WRAP53: variants seen among roughly 807,000 people sequenced by gnomAD.
The protein encoded by WRAP53 is telomerase Cajal body protein 1.
Under a neutral mutation model 56.6 loss-of-function variants are expected in WRAP53, and 28 were observed. The ratio of observed to expected loss-of-function variants is 0.50; its 90% CI spans 0.37 to 0.68. The LOEUF (loss-of-function observed/expected upper bound fraction) is 0.68, where lower values mean the gene tolerates loss of function less well. WRAP53 is among the 30% of genes least tolerant of loss of function. The pLI, the probability that WRAP53 is intolerant of heterozygous loss-of-function variation, is 0.00. For synonymous variants in WRAP53, 283 were observed against 283.4 expected (o/e 1.00, Z 0.01); for missense variants, 671 against 715.5 (o/e 0.94, Z 0.71).
chr17:7,695,828 AC>A (rs959158822), intron 4 of WRAP53, among the ~76,000 whole-genome samples: 2 of 151,846 alleles, frequency 1.3e-5, no homozygotes, highest in African/African-American at 4.8e-5. Flanking sequence ...TAATCCACCC[AC>A]ATCTGTCCCT....
chr17:7,698,088 G>T (rs2074210294), intron 4 of WRAP53, among the ~76,000 whole-genome samples: 1 of 152,152 alleles, frequency 6.6e-6, no homozygotes, highest in Non-Finnish European at 1.5e-5. Flanking sequence ...CTAGAATAGA[G>T]ACTCTTATAC....
intron 4 of WRAP53, among the ~76,000 whole-genome samples, chr17:7,699,460 A>T (rs369400291): frequency 0.01 from 178 of 17,186 alleles, 6 homozygotes; most frequent in African/African-American, 0.036. Context: ...ATATATATTT[A>T]TATATATATA....
At position 7,703,471 on chromosome 17, in the gene WRAP53, G is replaced by A. The variant is rs781628446; in HGVS notation, c.1632G>A (p.Val544=). 12 of 1,613,562 alleles carry A rather than the reference G, an allele frequency of 7.4e-6. No individual in the cohort carries two copies. Among genetic ancestry groups the A allele is most frequent in the Admixed American group, 6.7e-5 (4 of 59,970 alleles). The change falls in exon 11 of 11, where the codon GTG becomes GTA. Residue 544 remains valine, a synonymous_variant. Transcript: ENST00000396463. Reference sequence around the variant, plus strand: ...GGCAGGGAGGAACGGAGGGAGGTGTGGGTGAGCTGATATAAAAAGGTTTTT... The same window carrying A: ...GGCAGGGAGGAACGGAGGGAGGTGTAGGTGAGCTGATATAAAAAGGTTTTT... ...EKGQGGTEGG[V]GELI is the part of the protein sequence containing the mutation.
At chr17:7,687,390 G>A (rs879254146), upstream of WRAP53, 2 of 398,510 alleles carry the variant, frequency 5.0e-6, no homozygotes, top group Admixed American at 8.8e-5. Flanking sequence ...ATCCAGGGAA[G>A]CGTGTCACCG....
At position 7,700,749 on chromosome 17, in the gene WRAP53, C is replaced by T. The variant is rs866951873; in HGVS notation, c.651C>T (p.Val217=). 6.2e-7 allele frequency: 1 copy of T among 1,612,278 alleles called. No individual in the cohort carries two copies. The highest frequency in any genetic ancestry group is 8.5e-7 in the Non-Finnish European group (1 of 1,178,726). ...CCCCCGTCTCTGTATAGGTCCCTGT[C>T]CTTCGAATGGTGGAAGGTGATACCA... The part of the protein sequence containing the change: ...EQVEYAEMVP[V]LRMVEGDTIY... The change falls in exon 5 of 11, where the codon GTC becomes GTT. Residue 217 remains valine (V), a synonymous_variant. Coordinates refer to ENST00000396463, the MANE Select transcript of WRAP53 (RefSeq NM_001143992.2).
At chr17:7,698,321 G>A (rs1461550037) in intron 4 of WRAP53, among the ~76,000 whole-genome samples, 1 of 152,186 alleles carries the variant, frequency 6.6e-6, no homozygotes, top group Non-Finnish European at 1.5e-5. Context: ...AGATCAGTTT[G>A]AATATATTCA....
chr17:7,686,356 C>T (rs1384735323), upstream of WRAP53: 2 of 152,104 alleles, frequency 1.3e-5, no homozygotes, highest in Admixed American at 6.6e-5. Context: ...AAAATACCTC[C>T]GGGCTTGCCT....
Position 7,689,666 on chromosome 17 carries a change from T to C in WRAP53, c.607T>C (p.Tyr203His), listed in dbSNP as rs1430044991. The C allele has an allele frequency of 3.1e-6, 5 of 1,613,994 alleles. No individual in the cohort carries two copies. The highest frequency in any genetic ancestry group is 4.2e-6 in the Non-Finnish European group (5 of 1,179,998). Residue 203 changes from tyrosine to histidine, a missense_variant, in exon 4 of 11, where the codon TAC (tyrosine) becomes CAC (histidine). Physicochemically the swap from Tyr to His is moderately conservative, Grantham distance 83. Around this residue, in one of 3 missense-constraint regions of WRAP53, gnomAD observed 406 missense variants for 418.5 expected, o/e 0.97. Coordinates refer to ENST00000396463, the MANE Select transcript of WRAP53 (RefSeq NM_001143992.2). ...LRIYNLPPEL[Y>H]HEGEQVEYAE... Reference sequence around the variant, plus strand: ...AATTTATAACCTGCCCCCAGAGCTGTACCATGAGGGGGAGCAGGTGGAATA... The same window carrying C: ...AATTTATAACCTGCCCCCAGAGCTGCACCATGAGGGGGAGCAGGTGGAATA...
rs1345838314 is a variant in WRAP53, at chr17:7,702,415, G to T, written c.1027G>T (p.Gly343Cys). Residue 343 changes from glycine (G) to cysteine (C), a missense_variant, in exon 8 of 11, where the codon GGC (glycine) becomes TGC (cysteine). Gly to Cys is a radical substitution (Grantham distance 159). Coordinates refer to ENST00000396463, the MANE Select transcript of WRAP53 (RefSeq NM_001143992.2). The surrounding 1 kb of genome is among the most constrained non-coding windows in gnomAD (Gnocchi z 5.0). The part of the protein sequence containing the change: ...FSPAQPLYAC[G>C]SYGRSLGLYA... ...CCCAGCCCAGCCCCTCTATGCCTGTGGCTCCTACGGCCGCTCCCTGGGTCT... is the reference window on the plus strand; with the variant it reads ...CCCAGCCCAGCCCCTCTATGCCTGTTGCTCCTACGGCCGCTCCCTGGGTCT... The T allele has an allele frequency of 6.2e-7, 1 of 1,614,142 alleles. No individual in the cohort carries two copies. The highest frequency in any genetic ancestry group is 2.2e-5 in the East Asian group (1 of 44,876).
At chr17:7,696,586 C>G (rs1453605759) in intron 4 of WRAP53, among the ~76,000 whole-genome samples, 1 of 152,180 alleles carries the variant, frequency 6.6e-6, no homozygotes, top group Non-Finnish European at 1.5e-5. Context: ...GCGTGAGCCA[C>G]TGCGCCCGGT....
upstream of WRAP53, chr17:7,688,448 C>T: frequency 1.6e-6 from 1 of 610,980 alleles, no homozygotes; most frequent in Admixed American, 3.1e-5. Flanking sequence ...AGCAAGAGGC[C>T]CGTAGCGACC....
chr17:7,694,387 C>T (rs2074154519), intron 4 of WRAP53, among the ~76,000 whole-genome samples: 1 of 151,646 alleles, frequency 6.6e-6, no homozygotes. Flanking sequence ...GGATTACAGG[C>T]ACGCACCACC....
chr17:7,695,469 C>A (rs565228680), intron 4 of WRAP53, among the ~76,000 whole-genome samples: 4 of 152,274 alleles, frequency 2.6e-5, no homozygotes, highest in South Asian at 4.1e-4. Flanking sequence ...TTGCAGGAAG[C>A]CTTTACTCCT....
rs1567577715 is a variant in WRAP53 at position 7,699,522 on chromosome 17, T to TATATATATA, written c.643-1219_643-1218insATATATATA. Among the ~76,000 whole-genome samples, 42 of 14,080 alleles carry TATATATATA rather than the reference T, an allele frequency of 3.0e-3. 3 individuals are homozygous for TATATATATA. Among genetic ancestry groups the TATATATATA allele is most frequent in the Non-Finnish European group, 4.0e-3 (35 of 8,662 alleles). 9.2% of individuals were successfully genotyped at this position (14,080 alleles called of 152,430 possible). ...TATATTTATATATATATATATATAT[T>TATATATATA]TATATATATATATATATTCCTAAGG... On this transcript the variant is annotated intron_variant, in intron 4 of 10. Transcript: ENST00000396463.
upstream of WRAP53, chr17:7,686,460 G>A (rs2073974414): frequency 6.6e-6 from 1 of 152,180 alleles, no homozygotes; most frequent in Non-Finnish European, 1.5e-5. Context: ...TTCAAAGAAG[G>A]GGAGGGATTG....
chr17:7,702,780 G>T lies in WRAP53; in HGVS notation c.1202G>T (p.Gly401Val). ...ELLCWDLRQS[G>V]YPLWSLGREV... ...CTGTGCTGGGATCTCCGGCAGTCTG[G>T]TTACCCACTGTGGTCCCTGGGTCGA... is the stretch of plus-strand genomic sequence containing the variant. Residue 401 changes from glycine (G) to valine (V), a missense_variant, in exon 9 of 11, where the codon GGT (glycine) becomes GTT (valine). Gly to Val is a moderately radical substitution (Grantham distance 109, BLOSUM62 -3). This residue lies in a region of WRAP53 where 158 missense variants were observed against 215.7 expected (regional missense o/e 0.73). Coordinates refer to ENST00000396463, the MANE Select transcript of WRAP53 (RefSeq NM_001143992.2). The surrounding 1 kb of genome is among the most constrained non-coding windows in gnomAD (Gnocchi z 5.0). The T allele has an allele frequency of 6.2e-7, 1 of 1,613,964 alleles. No individual in the cohort carries two copies. Among genetic ancestry groups the T allele is most frequent in the Non-Finnish European group, 8.5e-7 (1 of 1,180,010 alleles).
intron 4 of WRAP53, among the ~76,000 whole-genome samples, chr17:7,699,522 T>TATATATATATATA (rs1567577715): frequency 5.0e-4 from 7 of 14,096 alleles, no homozygotes; most frequent in Non-Finnish European, 8.1e-4. Flanking sequence ...ATATATATAT[T>TATATATATATATA]TATATATATA....
intron 4 of WRAP53, among the ~76,000 whole-genome samples, chr17:7,699,498 A>T (rs1251545224): frequency 0.01 from 121 of 12,092 alleles, 9 homozygotes; most frequent in Middle Eastern, 0.083. Context: ...ATATATATAT[A>T]TATTTATATA....
intron 4 of WRAP53, among the ~76,000 whole-genome samples, chr17:7,692,372 C>G (rs984935345): frequency 5.3e-5 from 8 of 151,528 alleles, no homozygotes; most frequent in Non-Finnish European, 1.0e-4. Context: ...GTAATCCCAG[C>G]ACTTTGGGAG....
Sources: allele counts gnomAD v4.1 joint callset (sites outside exome capture counted in the v4.1 genomes callset), GRCh38; gene constraint gnomAD v4.1.1; regional missense constraint gnomAD v4.1.1; non-coding constraint Gnocchi (gnomAD v3.1); transcripts MANE v1.5; gene names NCBI Gene and HGNC (gene_info 2026-07-23, HGNC 2026-07-21).